The following MYO5C variants were observed in gnomAD, a reference collection of about 807,000 sequenced individuals.
The protein encoded by MYO5C is myosin VC, also known as unconventional myosin-Vc.
A neutral mutation model predicts 235.7 loss-of-function variants in MYO5C; 194 were observed. The observed-to-expected ratio is 0.82, with a 90% CI of 0.73 to 0.93. The LOEUF (loss-of-function observed/expected upper bound fraction) is 0.93, where lower values mean the gene tolerates loss of function less well. Among genes scored for constraint, MYO5C ranks in the 40% least tolerant of loss-of-function variants. The pLI is 0.00. For missense variants in MYO5C, 2,038 were observed against 2,127.2 expected (o/e 0.96, Z 0.82); for synonymous variants, 707 against 754.8 (o/e 0.94, Z 1.04).
At chr15:52,220,134 C>T (rs561951219) in intron 30 of MYO5C, among the ~76,000 whole-genome samples, 2 of 152,338 alleles carry the variant, frequency 1.3e-5, no homozygotes, top group African/African-American at 2.4e-5. Flanking sequence ...CTTGAACAAG[C>T]TTGTCTTAAA....
At chr15:52,231,811 C>T (rs997819508) in intron 24 of MYO5C, among the ~76,000 whole-genome samples, 4 of 152,048 alleles carry the variant, frequency 2.6e-5, no homozygotes, top group African/African-American at 9.7e-5. Flanking sequence ...ACCTTTGACT[C>T]CTTAAGAGAA....
rs545584625 is a variant in MYO5C, at chr15:52,220,446, G to A, written c.3722-624C>T. On this transcript the variant is annotated intron_variant, in intron 30 of 40. Coordinates refer to ENST00000261839, the MANE Select transcript of MYO5C (RefSeq NM_018728.4). ...CGGCTCACTTCAGCCATCACCTCCC[G>A]GGCTCAAGTAATCCTTCCACTTCAG... Among the ~76,000 whole-genome samples, 504 of 152,058 alleles carry A rather than the reference G, an allele frequency of 3.3e-3. 2 individuals are homozygous for A. The highest frequency in any genetic ancestry group is 7.1e-3 in the Admixed American group (109 of 15,266).
chr15:52,266,973 A>G (rs2036827032), intron 8 of MYO5C, among the ~76,000 whole-genome samples: 1 of 151,916 alleles, frequency 6.6e-6, no homozygotes, highest in East Asian at 1.9e-4. Flanking sequence ...TCTCCACAAA[A>G]CTCCAGAGGG....
chr15:52,266,652 T>C (rs866048451), intron 8 of MYO5C, among the ~76,000 whole-genome samples: 16 of 152,204 alleles, frequency 1.1e-4, no homozygotes, highest in African/African-American at 3.4e-4. Flanking sequence ...CATAGGAAGG[T>C]TAGGGAACTC....
At chr15:52,224,871 T>C in intron 28 of MYO5C, 30 bp downstream of exon 28, 1 of 1,577,256 alleles carries the variant, frequency 6.3e-7, no homozygotes, top group Non-Finnish European at 8.7e-7. Flanking sequence ...CTCTGAAAAA[T>C]AAAGAAGATC....
At chr15:52,275,541 G>C (rs1310032482) in intron 5 of MYO5C, 21 bp downstream of exon 5, 1 of 1,613,276 alleles carries the variant, frequency 6.2e-7, no homozygotes, top group Non-Finnish European at 8.5e-7. Context: ...ACACCCAGCT[G>C]CCTTCCGCAG....
intron 21 of MYO5C, among the ~76,000 whole-genome samples, chr15:52,238,374 G>A (rs1028053554): frequency 6.6e-6 from 1 of 152,208 alleles, no homozygotes; most frequent in African/African-American, 2.4e-5. Context: ...GTGCTATTCT[G>A]CACAAGCTGT....
chr15:52,241,978 G>A (rs2036234845), intron 20 of MYO5C, 70 bp downstream of exon 20: 5 of 1,477,854 alleles, frequency 3.4e-6, no homozygotes, highest in Non-Finnish European at 4.5e-6. Context: ...GTCTTTCCCT[G>A]GGCCCTGTTT....
At chr15:52,219,522 A>G (rs1372072253) in intron 31 of MYO5C, among the ~76,000 whole-genome samples, 3 of 152,250 alleles carry the variant, frequency 2.0e-5, no homozygotes, top group Admixed American at 6.5e-5. Context: ...CCTGAAGGCA[A>G]CCAACTGCCT....
At position 52,208,534 on chromosome 15, in the gene MYO5C, A is replaced by G; in HGVS notation, c.4386+20T>C. The G allele has an allele frequency of 6.2e-7, 1 of 1,612,080 alleles. No individual in the cohort carries two copies. The highest frequency in any genetic ancestry group is 8.5e-7 in the Non-Finnish European group (1 of 1,178,370). ...GACTGGCTGTCAGCACAAAACAACA[A>G]GCAGGTGGGCGCCCCCTACCTCTTC... On this transcript the variant is annotated intron_variant, in intron 36 of 40. Transcript: ENST00000261839.
chr15:52,282,301 C>T lies in MYO5C; in HGVS notation c.138+481G>A, dbSNP rs564400985. 6.8e-4 allele frequency among the ~76,000 whole-genome samples: 104 copies of T among 152,320 alleles called. No homozygotes were observed. The South Asian group carries it at 8.9e-3, about 13-fold the overall frequency. On this transcript the variant is annotated intron_variant, in intron 2 of 40. Transcript: ENST00000261839. The stretch of plus-strand genomic sequence containing the variant: ...ACCGACTCCCTCCAGTCTCCTCCCA[C>T]TCCTCCCTCTCCCTGCCTGTTTTCT...
At chr15:52,275,456 T>G in intron 5 of MYO5C, 106 bp downstream of exon 5, 1 of 1,413,174 alleles carries the variant, frequency 7.1e-7, no homozygotes, top group Admixed American at 1.8e-5. Flanking sequence ...CCCTCACTTC[T>G]TTAGTCTTTA....
chr15:52,195,172 C>A lies in MYO5C; in HGVS notation c.5076+205G>T, dbSNP rs527893648. On this transcript the variant is annotated intron_variant, in intron 40 of 40. Transcript: ENST00000261839. ...CAGCACGGGAGACATGATTTTGGTG[C>A]TTTCATTCCCCTCCCACCTGGACTA... Among the ~76,000 whole-genome samples, 8 of 152,266 alleles carry A rather than the reference C, an allele frequency of 5.3e-5. No homozygotes were observed. In the South Asian group the frequency reaches 6.2e-4, roughly 12 times the overall value.
intron 25 of MYO5C, 108 bp from the exon 26 acceptor site, chr15:52,225,640 C>A: frequency 1.3e-6 from 1 of 762,368 alleles, no homozygotes; most frequent in Non-Finnish European, 2.3e-6. Context: ...AAGACATCCT[C>A]ACTGCAGTTT....
chr15:52,204,477 G>A (rs2035256004), intron 38 of MYO5C, among the ~76,000 whole-genome samples: 1 of 151,904 alleles, frequency 6.6e-6, no homozygotes, highest in South Asian at 2.1e-4. Flanking sequence ...TTATTATTTA[G>A]CTATTCTGAG....
At chr15:52,294,590 G>A (rs1044653793) in intron 1 of MYO5C, among the ~76,000 whole-genome samples, 1 of 152,172 alleles carries the variant, frequency 6.6e-6, no homozygotes, top group Non-Finnish European at 1.5e-5. Flanking sequence ...GCATGTGTCC[G>A]GGGAAATGGA....
In MYO5C at chr15:52,271,864, C is replaced by T. The variant is rs753790205; in HGVS notation, c.751-20G>A. 7.2e-6 allele frequency: 11 copies of T among 1,535,872 alleles called. No individual in the cohort carries two copies. In the South Asian group the frequency reaches 1.3e-4, roughly 18 times the overall value. ...TTCCGACTGTAAGATAAAGAAATGT[C>T]CTCAAAATTACACCAAATCCTTACA... On this transcript the variant is annotated intron_variant, in intron 6 of 40. Coordinates refer to ENST00000261839, the MANE Select transcript of MYO5C (RefSeq NM_018728.4).
Position 52,260,968 on chromosome 15 carries a change from T to C in MYO5C, c.1207A>G (p.Lys403Glu). 5 of 1,614,248 alleles carry C rather than the reference T, an allele frequency of 3.1e-6. No individual in the cohort carries two copies. The highest frequency in any genetic ancestry group is 4.2e-6 in the Non-Finnish European group (5 of 1,180,038). Reference protein sequence around the residue: ...QAVNARDALAKKIYAHLFDFI... With the variant: ...QAVNARDALAEKIYAHLFDFI... ...TCGAACAGGTGAGCATAGATCTTTT[T>C]GGCCAGTGCATCCCTGGCGTTGACA... The change falls in exon 10 of 41, where the codon AAA becomes GAA. Residue 403 changes from lysine to glutamate, a missense_variant. Coordinates refer to ENST00000261839, the MANE Select transcript of MYO5C (RefSeq NM_018728.4).
At chr15:52,290,538 AAG>A (rs1210233778) in intron 1 of MYO5C, among the ~76,000 whole-genome samples, 1 of 152,052 alleles carries the variant, frequency 6.6e-6, no homozygotes, top group Non-Finnish European at 1.5e-5. Flanking sequence ...GCACAAGTGA[AAG>A]AAACAGATGG....
Sources: allele counts gnomAD v4.1 joint callset (sites outside exome capture counted in the v4.1 genomes callset), GRCh38; gene constraint gnomAD v4.1.1; transcripts MANE v1.5; gene names NCBI Gene and HGNC (gene_info 2026-07-23, HGNC 2026-07-21).